SPAG9: variants seen among roughly 807,000 people sequenced by gnomAD.
The protein encoded by SPAG9 is sperm associated antigen 9, also known as C-Jun-amino-terminal kinase-interacting protein 4.
In SPAG9, 35 loss-of-function variants were observed where a neutral mutation model predicts 166.5. The observed-to-expected ratio is 0.21, with a 90% CI of 0.16 to 0.28. The LOEUF is 0.28. SPAG9 is among the 10% of genes least tolerant of loss of function. The pLI is 1.00. For synonymous variants in SPAG9, 534 were observed against 565.5 expected, an observed-to-expected ratio of 0.94 and a Z score of 0.79; for missense variants, 1,235 against 1,603.3, an observed-to-expected ratio of 0.77 and a Z score of 3.92.
In SPAG9 at chr17:51,120,694, C is replaced by A. The variant is rs1396047790; in HGVS notation, c.-38G>T. The A allele has an allele frequency of 6.6e-7, 1 of 1,523,812 alleles. No homozygotes were observed. Among genetic ancestry groups the A allele is most frequent in the Non-Finnish European group, 8.8e-7 (1 of 1,134,936 alleles). 94.4% of individuals were successfully genotyped at this position (1,523,812 alleles called of 1,614,324 possible). ...ACGGGCGGGCGGCCCGGGGCGTCGCCGGCAGAGGGGCGGCACCTGCCCGCA... is the reference window on the plus strand; with the variant it reads ...ACGGGCGGGCGGCCCGGGGCGTCGCAGGCAGAGGGGCGGCACCTGCCCGCA... On this transcript the variant is annotated 5_prime_UTR_variant, in exon 1 of 30. Coordinates refer to ENST00000262013, the MANE Select transcript of SPAG9 (RefSeq NM_001130528.3). This position sits in a 1 kb window ranked among gnomAD's most constrained non-coding sequence, Gnocchi z 4.7.
intron 8 of SPAG9, chr17:51,016,265 G>A (rs2045694652): frequency 1.3e-5 from 2 of 152,122 alleles, no homozygotes; most frequent in African/African-American, 4.8e-5. Context: ...GTAAGGATAT[G>A]TTCCGTCAAA....
chr17:51,036,656 G>A (rs891207676), intron 5 of SPAG9, among the ~76,000 whole-genome samples: 5 of 151,992 alleles, frequency 3.3e-5, no homozygotes, highest in African/African-American at 1.2e-4. Context: ...TTAGGGTCTT[G>A]TACCCCCAAG....
intron 11 of SPAG9, 140 bp downstream of exon 11, chr17:51,005,945 G>A (rs2045200371): frequency 2.5e-6 from 2 of 790,972 alleles, no homozygotes; most frequent in Non-Finnish European, 4.2e-6. Context: ...AATGGGCTGG[G>A]GCACTTTGCC....
Position 51,120,440 on chromosome 17 carries a change from C to G in SPAG9, c.217G>C (p.Val73Leu). The change falls in exon 1 of 30, where the codon GTG (valine) becomes CTG (leucine). Residue 73 changes from valine to leucine, a missense_variant. Physicochemically the swap from Val to Leu is conservative, Grantham distance 32 (BLOSUM62 1). This residue lies in a region of SPAG9 where 83 missense variants were observed against 149.8 expected (regional missense o/e 0.55). Transcript: ENST00000262013. This position sits in a 1 kb window ranked among gnomAD's most constrained non-coding sequence, Gnocchi z 4.7. Reference protein sequence around the residue: ...SVFAQDQEHQVELELLRDDNE... With the variant: ...SVFAQDQEHQLELELLRDDNE... ...TCGTCCCGCAGCAGCTCCAGCTCCA[C>G]CTGGTGCTCCTGGTCCTGCGCGAAC... is the stretch of plus-strand genomic sequence containing the variant. 1.9e-6 allele frequency: 3 copies of G among 1,613,710 alleles called. No homozygotes were observed. Among genetic ancestry groups the G allele is most frequent in the Non-Finnish European group, 2.5e-6 (3 of 1,179,786 alleles).
At chr17:51,075,383 C>G (rs1356735766) in intron 2 of SPAG9, among the ~76,000 whole-genome samples, 8 of 151,950 alleles carry the variant, frequency 5.3e-5, no homozygotes, top group Non-Finnish European at 8.8e-5. Flanking sequence ...GCAGTATCTT[C>G]TGCTTCTTTT....
chr17:51,022,746 C>T (rs1341279852), intron 6 of SPAG9, among the ~76,000 whole-genome samples: 1 of 151,342 alleles, frequency 6.6e-6, no homozygotes. Flanking sequence ...GTCGGGAGTT[C>T]AAGACCAGCC....
chr17:50,974,149 T>C (rs1328743441), intron 28 of SPAG9, among the ~76,000 whole-genome samples: 1 of 152,200 alleles, frequency 6.6e-6, no homozygotes, highest in Non-Finnish European at 1.5e-5. Context: ...ATGGATAATT[T>C]GTCATTTTTC....
chr17:51,073,657 ACT>A (rs1356497451), intron 2 of SPAG9, among the ~76,000 whole-genome samples: 1 of 152,102 alleles, frequency 6.6e-6, no homozygotes, highest in Non-Finnish European at 1.5e-5. Context: ...TAAAATAAAA[ACT>A]CTGAAGAAAA....
chr17:51,101,215 G>A (rs989369642), intron 1 of SPAG9, among the ~76,000 whole-genome samples: 17 of 151,550 alleles, frequency 1.1e-4, no homozygotes, highest in African/African-American at 2.2e-4. Flanking sequence ...GCTTGGTGGC[G>A]CACACCTGTA....
chr17:51,053,155 G>A (rs7222001), intron 3 of SPAG9, among the ~76,000 whole-genome samples: 145,943 of 151,082 alleles, frequency 0.97, 70,521 homozygotes, highest in East Asian at 1. Flanking sequence ...AAACAAAAAC[G>A]TTGTTTATTA....
intron 9 of SPAG9, among the ~76,000 whole-genome samples, chr17:51,007,586 C>T (rs960141702): frequency 2.6e-5 from 4 of 151,938 alleles, no homozygotes; most frequent in African/African-American, 9.7e-5. Flanking sequence ...GGGAATGAGG[C>T]CAATTTTTAA....
chr17:51,085,847 C>T (rs1020299423), intron 1 of SPAG9, among the ~76,000 whole-genome samples: 1 of 151,538 alleles, frequency 6.6e-6, no homozygotes, highest in African/African-American at 2.4e-5. Context: ...AAGCTATATA[C>T]ATTTATCAGT....
intron 1 of SPAG9, among the ~76,000 whole-genome samples, chr17:51,104,932 C>CAAAAAAAAAAAAAA (rs397856546): frequency 2.6e-4 from 15 of 57,460 alleles, no homozygotes; most frequent in African/African-American, 1.0e-3. Flanking sequence ...GACTCCGTCT[C>CAAAAAAAAAAAAAA]AAAAAAAAAA....
intron 4 of SPAG9, chr17:51,046,615 C>T (rs2047030506): frequency 8.5e-6 from 13 of 1,536,042 alleles, no homozygotes; most frequent in Non-Finnish European, 1.1e-5. Context: ...ACCACCGCCC[C>T]GCCAACAAAG....
At chr17:51,031,495 T>G in intron 6 of SPAG9, 186 bp downstream of exon 6, 1 of 572,880 alleles carries the variant, frequency 1.7e-6, no homozygotes. Context: ...AGGAATAAAT[T>G]ACAGATTGCA....
intron 28 of SPAG9, 57 bp from the exon 29 acceptor site, chr17:50,970,913 GTTTTT>G (rs202233771): frequency 3.6e-6 from 4 of 1,121,662 alleles, no homozygotes; most frequent in African/African-American, 3.3e-5. Flanking sequence ...AGGCTGTTTT[GTTTTT>G]TTTTTTTAAG....
rs988274687 is a variant in SPAG9 at position 50,962,219 on chromosome 17, C to T, written c.*4053G>A. The stretch of plus-strand genomic sequence containing the variant: ...TATATATATCTCATGTACAAAGTTA[C>T]ATTCTGAACCCCAGGGATTCCATAA... On this transcript the variant is annotated 3_prime_UTR_variant, in exon 30 of 30. Coordinates refer to ENST00000262013, the MANE Select transcript of SPAG9 (RefSeq NM_001130528.3). The T allele has an allele frequency of 6.6e-6, 1 of 152,178 alleles. No individual in the cohort carries two copies. The highest frequency in any genetic ancestry group is 6.5e-5 in the Admixed American group (1 of 15,284). The allele number at this position is 152,178 out of a possible 1,614,324, so 9.4% of individuals were successfully genotyped here.
rs533546931 is a variant in SPAG9, at chr17:51,004,409, T to C, written c.1476+803A>G. 3.3e-5 allele frequency among the ~76,000 whole-genome samples: 5 copies of C among 152,314 alleles called. No homozygotes were observed. In the East Asian group the frequency reaches 9.6e-4, roughly 29 times the overall value. ...TCTGTCCAAAACAACCACATATCTT[T>C]GGTCTGACCTTTGACCTGCAAACAT... On this transcript the variant is annotated intron_variant, in intron 12 of 29. Transcript: ENST00000262013.
At chr17:50,999,566 A>G in intron 14 of SPAG9, 95 bp downstream of exon 14, 1 of 1,460,986 alleles carries the variant, frequency 6.8e-7, no homozygotes, top group Non-Finnish European at 9.3e-7. Flanking sequence ...AAATGAAGGA[A>G]AGAAAATGGA....
Sources: gnomAD v4.1 joint callset for allele counts (sites outside exome capture counted in the v4.1 genomes callset) on GRCh38, gnomAD v4.1.1 for gene constraint, gnomAD v4.1.1 regional missense constraint, Gnocchi (gnomAD v3.1) non-coding constraint, MANE v1.5 for transcripts, NCBI Gene and HGNC (gene_info 2026-07-23, HGNC 2026-07-21) for gene names.